KMT2C: variants seen among roughly 807,000 people sequenced by gnomAD.
The protein encoded by KMT2C is histone-lysine N-methyltransferase 2C.
KMT2C carries 88 observed loss-of-function variants against 507.9 expected under a neutral mutation model. That is an observed-to-expected ratio of 0.17 (90% CI 0.15 to 0.21). The LOEUF is 0.21. Among genes scored for constraint, KMT2C ranks in the 10% least tolerant of loss-of-function variants. The pLI, the probability that KMT2C is intolerant of heterozygous loss-of-function variation, is 1.00. For missense variants in KMT2C, 4,954 were observed against 5,957.8 expected, an observed-to-expected ratio of 0.83 and a Z score of 5.55; for synonymous variants, 2,049 against 2,080.8, an observed-to-expected ratio of 0.98 and a Z score of 0.42.
At chr7:152,255,137 A>ATATATATATATACATATATATATG (rs1563606964) in intron 9 of KMT2C, among the ~76,000 whole-genome samples, 7 of 127,680 alleles carry the variant, frequency 5.5e-5, no homozygotes, top group African/African-American at 2.2e-4. Context: ...ATATATATAT[A>ATATATATATATACATATATATATG]TATATATACA....
chr7:152,414,349 G>C (rs112375137), intron 1 of KMT2C, among the ~76,000 whole-genome samples: 2 of 151,954 alleles, frequency 1.3e-5, no homozygotes, highest in Non-Finnish European at 2.9e-5. Flanking sequence ...GACCAACATG[G>C]AGAAACCCCA....
intron 6 of KMT2C, 40 bp downstream of exon 6, chr7:152,309,926 T>A: frequency 1.6e-6 from 2 of 1,252,680 alleles, no homozygotes; most frequent in African/African-American, 2.9e-5. Context: ...AAAGTGAATG[T>A]TATAAAACTA....
At chr7:152,423,314 T>G (rs569670900) in intron 1 of KMT2C, among the ~76,000 whole-genome samples, 14 of 152,340 alleles carry the variant, frequency 9.2e-5, no homozygotes, top group African/African-American at 3.1e-4. Context: ...CACTCCAGCC[T>G]GCATGACAGA....
intron 1 of KMT2C, among the ~76,000 whole-genome samples, chr7:152,435,303 G>C (rs1268551188): frequency 6.6e-6 from 1 of 152,066 alleles, no homozygotes; most frequent in African/African-American, 2.4e-5. Flanking sequence ...ATCCAGCTAG[G>C]CCAAGACGCG....
chr7:152,297,051 A>AAGAAAGAAAGAG (rs1356233143), intron 6 of KMT2C, among the ~76,000 whole-genome samples: 2 of 60,240 alleles, frequency 3.3e-5, no homozygotes, highest in Admixed American at 1.9e-4. Flanking sequence ...GAAAGAAAGA[A>AAGAAAGAAAGAG]AGACAGAGAG....
At chr7:152,422,172 C>A (rs768479268) in intron 1 of KMT2C, among the ~76,000 whole-genome samples, 1 of 151,632 alleles carries the variant, frequency 6.6e-6, no homozygotes, top group Non-Finnish European at 1.5e-5. Flanking sequence ...TAGGGCTGGG[C>A]GCAGTGGCTC....
chr7:152,204,700 T>C (rs1221029508), intron 25 of KMT2C, among the ~76,000 whole-genome samples: 1 of 152,138 alleles, frequency 6.6e-6, no homozygotes, highest in Non-Finnish European at 1.5e-5. Flanking sequence ...TTTCAAATTA[T>C]ATGATAAGTA....
intron 23 of KMT2C, among the ~76,000 whole-genome samples, chr7:152,211,229 T>C (rs200699674): frequency 2.6e-5 from 4 of 152,104 alleles, no homozygotes; most frequent in Non-Finnish European, 5.9e-5. Context: ...TTGACTAAAA[T>C]TGATAAATGA....
chr7:152,249,802 C>T (rs201214561), intron 13 of KMT2C, 74 bp downstream of exon 13: 35 of 864,870 alleles, frequency 4.0e-5, no homozygotes, highest in South Asian at 1.4e-5. Context: ...ATACAGCAAT[C>T]GCAAAAATGT....
intron 1 of KMT2C, among the ~76,000 whole-genome samples, chr7:152,366,570 G>A (rs561043078): frequency 3.3e-5 from 5 of 152,290 alleles, no homozygotes; most frequent in Admixed American, 1.3e-4. Context: ...AAAGTGGAAC[G>A]GTGGTTGCCA....
chr7:152,140,461 G>T (rs1218383255), intron 55 of KMT2C, among the ~76,000 whole-genome samples: 1 of 152,208 alleles, frequency 6.6e-6, no homozygotes, highest in Non-Finnish European at 1.5e-5. Context: ...CCTGCCAGGT[G>T]CACTATTCAG....
intron 2 of KMT2C, among the ~76,000 whole-genome samples, chr7:152,346,789 C>A (rs1364484549): frequency 6.6e-6 from 1 of 152,100 alleles, no homozygotes; most frequent in Non-Finnish European, 1.5e-5. Flanking sequence ...GTATTATATA[C>A]CGTATTCTTA....
intron 37 of KMT2C, among the ~76,000 whole-genome samples, 162 bp downstream of exon 37, chr7:152,179,672 G>T (rs79259576): frequency 2.0e-4 from 25 of 125,888 alleles, no homozygotes; most frequent in South Asian, 1.2e-3. Flanking sequence ...GGGGGGGGGG[G>T]GGTGGTCTCA....
intron 1 of KMT2C, among the ~76,000 whole-genome samples, chr7:152,392,131 C>G (rs2097503794): frequency 6.6e-6 from 1 of 152,082 alleles, no homozygotes; most frequent in African/African-American, 2.4e-5. Context: ...GCAGTGAATT[C>G]CCTCTCTTGG....
intron 6 of KMT2C, among the ~76,000 whole-genome samples, chr7:152,308,372 T>C (rs941290096): frequency 6.6e-6 from 1 of 151,972 alleles, no homozygotes; most frequent in African/African-American, 2.4e-5. Flanking sequence ...TTCTCCCAAA[T>C]ATACTTGTTA....
At chr7:152,304,753 C>G (rs753022133) in intron 6 of KMT2C, among the ~76,000 whole-genome samples, 2 of 152,142 alleles carry the variant, frequency 1.3e-5, no homozygotes, top group East Asian at 3.9e-4. Flanking sequence ...GTTGCTCAGG[C>G]TGGTCTCAAA....
At chr7:152,247,383 C>T (rs2095488269) in intron 14 of KMT2C, among the ~76,000 whole-genome samples, 2 of 151,948 alleles carry the variant, frequency 1.3e-5, no homozygotes, top group Non-Finnish European at 2.9e-5. Context: ...TGAAATAAGT[C>T]CTACTTGAAA....
chr7:152,163,896 G>C lies in KMT2C; in HGVS notation c.9751-70C>G, dbSNP rs149919638. 262 of 1,461,362 alleles carry C rather than the reference G, an allele frequency of 1.8e-4. No homozygotes were observed. The African/African-American group carries it at 3.1e-3, about 18-fold the overall frequency. The allele number at this position is 1,461,362 out of a possible 1,614,324, so 90.5% of individuals were successfully genotyped here. A position where few individuals can be genotyped will look rare whatever the true frequency, so the allele number is the denominator to read the frequency against. ...GTACTGAAGTAAAACACTGGCTGAT[G>C]ACTGTGGTTGAGGTTACACAGAGGG... On this transcript the variant is annotated intron_variant, in intron 42 of 58. Coordinates refer to ENST00000262189, the MANE Select transcript of KMT2C (RefSeq NM_170606.3).
intron 16 of KMT2C, among the ~76,000 whole-genome samples, chr7:152,233,221 T>C (rs1479883556): frequency 2.0e-5 from 3 of 152,206 alleles, no homozygotes; most frequent in Non-Finnish European, 2.9e-5. Context: ...GTTTTTATTT[T>C]ATAATTTATT....
Sources: gnomAD v4.1 joint callset for allele counts (sites outside exome capture counted in the v4.1 genomes callset) on GRCh38, gnomAD v4.1.1 for gene constraint, MANE v1.5 for transcripts, NCBI Gene and HGNC (gene_info 2026-07-23, HGNC 2026-07-21) for gene names.